The following DCC variants were observed in gnomAD, a reference collection of about 807,000 sequenced individuals.
DCC encodes netrin receptor DCC.
In DCC, 58 loss-of-function variants were observed where a neutral mutation model predicts 172.5. The ratio of observed to expected loss-of-function variants is 0.34; its 90% CI spans 0.27 to 0.42. The LOEUF (loss-of-function observed/expected upper bound fraction) is 0.42, where lower values mean the gene tolerates loss of function less well. Ranked by LOEUF, DCC falls within the 10% of genes least tolerant of loss-of-function variation. DCC has a pLI of 1.00. For synonymous variants in DCC, 709 were observed against 644.5 expected (o/e 1.10, Z -1.52); for missense variants, 1,740 against 1,791.0 (o/e 0.97, Z 0.51).
intron 2 of DCC, 123 bp from the exon 3 acceptor site, chr18:52,905,921 G>T (rs1163161873): frequency 1.3e-6 from 1 of 768,978 alleles, no homozygotes; most frequent in South Asian, 1.5e-5. Flanking sequence ...CAAATGAGAC[G>T]ATATTTGAGA....
At chr18:53,102,344 A>T (rs1022424235) in intron 7 of DCC, among the ~76,000 whole-genome samples, 3 of 152,096 alleles carry the variant, frequency 2.0e-5, no homozygotes, top group African/African-American at 7.2e-5. Context: ...TTAGGGATAC[A>T]TTCATTTTTA....
chr18:53,067,059 C>G (rs1200806295), intron 7 of DCC, among the ~76,000 whole-genome samples: 1 of 152,112 alleles, frequency 6.6e-6, no homozygotes, highest in African/African-American at 2.4e-5. Flanking sequence ...CCAACCAGGC[C>G]CCACCTCCAA....
chr18:53,163,121 G>A (rs1360170325), intron 8 of DCC, among the ~76,000 whole-genome samples: 1 of 152,164 alleles, frequency 6.6e-6, no homozygotes, highest in Non-Finnish European at 1.5e-5. Context: ...CTGAGTACGT[G>A]TGTATTTCTT....
At chr18:52,708,203 A>C (rs1368627489) in intron 1 of DCC, among the ~76,000 whole-genome samples, 1 of 152,134 alleles carries the variant, frequency 6.6e-6, no homozygotes, top group African/African-American at 2.4e-5. Context: ...GCACTTTGGG[A>C]GGCCGAGATG....
intron 1 of DCC, among the ~76,000 whole-genome samples, chr18:52,595,910 G>C (rs1415058981): frequency 2.0e-5 from 3 of 152,116 alleles, no homozygotes; most frequent in Non-Finnish European, 4.4e-5. Flanking sequence ...TCCACCATGA[G>C]AAATCTCAGC....
At chr18:53,113,692 T>C (rs1269064702) in intron 7 of DCC, among the ~76,000 whole-genome samples, 3 of 127,476 alleles carry the variant, frequency 2.4e-5, no homozygotes, top group African/African-American at 1.0e-4. Context: ...AGCAAAAGCT[T>C]TTATTTTTGT....
At chr18:52,965,544 T>A (rs1349218513) in intron 5 of DCC, among the ~76,000 whole-genome samples, 2 of 152,182 alleles carry the variant, frequency 1.3e-5, no homozygotes. Flanking sequence ...AAAAATAGGG[T>A]TAAAACTATG....
intron 5 of DCC, among the ~76,000 whole-genome samples, chr18:52,926,916 T>TACATATATACAC (rs375596058): frequency 0.92 from 125,515 of 136,452 alleles, 57,671 homozygotes; most frequent in Non-Finnish European, 0.96. Context: ...TATATACGTA[T>TACATATATACAC]ACATATATAT....
intron 1 of DCC, among the ~76,000 whole-genome samples, chr18:52,648,831 T>C (rs774328993): frequency 5.3e-5 from 8 of 152,166 alleles, no homozygotes; most frequent in African/African-American, 9.6e-5. Flanking sequence ...AGAAACACCT[T>C]GGGCTCTGAG....
chr18:52,831,821 G>GGT (rs956778450), intron 2 of DCC, among the ~76,000 whole-genome samples: 1 of 152,082 alleles, frequency 6.6e-6, no homozygotes, highest in Non-Finnish European at 1.5e-5. Flanking sequence ...ATATAAACCA[G>GGT]GTAGTCATCC....
Position 53,323,144 on chromosome 18 carries a change from C to T in DCC, c.2164+987C>T, listed in dbSNP as rs576655907. ...ACTCTATATTCCTTTCTTTTCCCTT[C>T]CGTTTTTAAATCTCTCTTTCCATGT... On this transcript the variant is annotated intron_variant, in intron 14 of 28. Transcript: ENST00000442544. 5.9e-5 allele frequency among the ~76,000 whole-genome samples: 9 copies of T among 152,200 alleles called. 1 individual carries two copies. The East Asian group carries it at 1.7e-3, about 29-fold the overall frequency.
intron 2 of DCC, among the ~76,000 whole-genome samples, chr18:52,793,830 G>A (rs966903061): frequency 6.6e-6 from 1 of 152,132 alleles, no homozygotes; most frequent in South Asian, 2.1e-4. Flanking sequence ...AGAGATACGG[G>A]TGTAGTTTCA....
chr18:52,868,216 C>T (rs2039260936), intron 2 of DCC, among the ~76,000 whole-genome samples: 1 of 151,870 alleles, frequency 6.6e-6, no homozygotes, highest in South Asian at 2.1e-4. Context: ...TACTGGTGTA[C>T]TTGTTCTAAT....
intron 1 of DCC, among the ~76,000 whole-genome samples, chr18:52,629,644 G>A (rs575855516): frequency 9.9e-5 from 15 of 152,192 alleles, no homozygotes; most frequent in African/African-American, 3.4e-4. Flanking sequence ...GTGAAACCCT[G>A]TCTCTAATAA....
At chr18:53,106,511 T>C (rs1259745047) in intron 7 of DCC, among the ~76,000 whole-genome samples, 1 of 151,904 alleles carries the variant, frequency 6.6e-6, no homozygotes, top group East Asian at 1.9e-4. Context: ...CTTGGCCACA[T>C]GGTACTCAAG....
chr18:53,179,594 A>G (rs934911416), intron 9 of DCC, among the ~76,000 whole-genome samples: 5 of 152,352 alleles, frequency 3.3e-5, no homozygotes, highest in Middle Eastern at 6.8e-3. Flanking sequence ...GATTTGAGGA[A>G]TATGAGAGAT....
intron 5 of DCC, among the ~76,000 whole-genome samples, chr18:53,046,539 C>T (rs1276055718): frequency 6.6e-6 from 1 of 150,750 alleles, no homozygotes; most frequent in Non-Finnish European, 1.5e-5. Flanking sequence ...TCTGATAGAA[C>T]TTTATATTAA....
intron 1 of DCC, among the ~76,000 whole-genome samples, chr18:52,724,787 A>G (rs756174318): frequency 1.3e-5 from 2 of 152,198 alleles, no homozygotes; most frequent in Non-Finnish European, 2.9e-5. Flanking sequence ...CAGCACAGGT[A>G]AACCAGCACA....
At chr18:53,084,006 G>C (rs1009449167) in intron 7 of DCC, among the ~76,000 whole-genome samples, 1 of 152,168 alleles carries the variant, frequency 6.6e-6, no homozygotes, top group South Asian at 2.1e-4. Context: ...AGATGTAAGG[G>C]AGTAGTGTCT....
Sources: gnomAD v4.1 joint callset for allele counts (sites outside exome capture counted in the v4.1 genomes callset) on GRCh38, gnomAD v4.1.1 for gene constraint, MANE v1.5 for transcripts, NCBI Gene and HGNC (gene_info 2026-07-23, HGNC 2026-07-21) for gene names.